Variants in FER1L5 observed in about 807,000 individuals in gnomAD.
FER1L5 encodes the protein fer-1 like family member 5.
FER1L5 carries 187 observed loss-of-function variants against 279.9 expected under a neutral mutation model. The observed-to-expected ratio is 0.67, with a 90% CI of 0.59 to 0.75. The LOEUF is 0.75. FER1L5 is among the 30% of genes least tolerant of loss of function. FER1L5 has a pLI of 0.00. For synonymous variants in FER1L5, 921 were observed against 989.7 expected (o/e 0.93, Z 1.30); for missense variants, 2,091 against 2,594.4 (o/e 0.81, Z 4.21).
chr2:96,660,485 T>C, intron 10 of FER1L5, 114 bp downstream of exon 10: 3 of 879,482 alleles, frequency 3.4e-6, no homozygotes, highest in Admixed American at 4.8e-5. Context: ...GTATTAGAGA[T>C]TGTAAATTAT....
rs569289063 is a variant in FER1L5, at chr2:96,694,063, C to G, written c.3627C>G (p.Leu1209=). ...TCTTGGCATCCTGTGAGCTGATCCT[C>G]CAGACTGAGGTATTGGGAGAGAGGG... ...GEILASCELI[L]QTEKLGEKQL... is the part of the protein sequence containing the mutation. The change falls in exon 33 of 53, where the codon CTC becomes CTG. Residue 1209 remains leucine (L), a synonymous_variant. Coordinates refer to ENST00000624922, the MANE Select transcript of FER1L5 (RefSeq NM_001293083.2). The surrounding 1 kb of genome is among the most constrained non-coding windows in gnomAD (Gnocchi z 4.6). 11 of 1,541,810 alleles carry G rather than the reference C, an allele frequency of 7.1e-6. No homozygotes were observed. The highest frequency in any genetic ancestry group is 9.6e-6 in the Non-Finnish European group (11 of 1,146,736).
rs866736276 is a variant in FER1L5, at chr2:96,689,256, G to A, written c.2405G>A (p.Gly802Glu). 6.4e-7 allele frequency: 1 copy of A among 1,550,670 alleles called. No homozygotes were observed. The highest frequency in any genetic ancestry group is 1.7e-4 in the Middle Eastern group (1 of 5,982). ...TATAAAGACCAGTGGGGGCAGCAGGGGCTGTATCACTGCCCCAACTTCTCG... is the reference window on the plus strand; with the variant it reads ...TATAAAGACCAGTGGGGGCAGCAGGAGCTGTATCACTGCCCCAACTTCTCG... ...AKYKDQWGQQGLYHCPNFSDV... is the reference protein window; with the variant it reads ...AKYKDQWGQQELYHCPNFSDV... Residue 802 changes from glycine (G) to glutamate (E), a missense_variant, in exon 25 of 53, where the codon GGG (glycine) becomes GAG (glutamate). Transcript: ENST00000624922. This position sits in a 1 kb window ranked among gnomAD's most constrained non-coding sequence, Gnocchi z 4.6.
rs1339985361 is a variant in FER1L5, at chr2:96,695,561, T to C, written c.3794T>C (p.Leu1265Pro). 2 of 1,594,272 alleles carry C rather than the reference T, an allele frequency of 1.3e-6. No individual in the cohort carries two copies. The highest frequency in any genetic ancestry group is 2.7e-5 in the African/African-American group (2 of 74,406). The change falls in exon 35 of 53, where the codon CTG (leucine) becomes CCG (proline). Residue 1265 changes from leucine (L) to proline (P), a missense_variant. By Grantham distance (98) the Leu-to-Pro change is moderately conservative. Transcript: ENST00000624922. Reference protein sequence around the residue: ...NMKKASSPQLLVEFGEESLRT... With the variant: ...NMKKASSPQLPVEFGEESLRT... Reference sequence around the variant, plus strand: ...AAGAAGGCGAGCTCCCCCCAGCTCCTGGTGGAATTCGGGGAAGAGTCCCTG... The same window carrying C: ...AAGAAGGCGAGCTCCCCCCAGCTCCCGGTGGAATTCGGGGAAGAGTCCCTG...
chr2:96,663,351 G>A, intron 13 of FER1L5, 88 bp from the exon 14 acceptor site: 3 of 1,244,968 alleles, frequency 2.4e-6, no homozygotes, highest in Non-Finnish European at 3.5e-6. Context: ...GGTGTCCACT[G>A]GGAGGCTGGA....
chr2:96,659,354 C>CTTCCTTCTTTCTTTCTTTCTTTCT (rs2075775522), intron 9 of FER1L5, among the ~76,000 whole-genome samples: 1 of 64,398 alleles, frequency 1.6e-5, no homozygotes, highest in East Asian at 6.4e-4. Flanking sequence ...TCCTTCCTTC[C>CTTCCTTCTTTCTTTCTTTCTTTCT]TTCCTTCCTT....
chr2:96,694,147 G>A lies in FER1L5; in HGVS notation c.3636+75G>A. 6.8e-7 allele frequency: 1 copy of A among 1,476,692 alleles called. No homozygotes were observed. The highest frequency in any genetic ancestry group is 2.5e-5 in the East Asian group (1 of 40,298). 91.5% of individuals were successfully genotyped at this position (1,476,692 alleles called of 1,614,324 possible). ...CCCGTCCCACCCCCAGCCAGCGGGG[G>A]CCAACTCCACCCTGTCAGGAAATGC... On this transcript the variant is annotated intron_variant, in intron 33 of 52. Coordinates refer to ENST00000624922, the MANE Select transcript of FER1L5 (RefSeq NM_001293083.2). The surrounding 1 kb of genome is among the most constrained non-coding windows in gnomAD (Gnocchi z 4.6).
chr2:96,664,756 C>G (rs971398754), intron 14 of FER1L5, among the ~76,000 whole-genome samples: 7 of 152,308 alleles, frequency 4.6e-5, no homozygotes, highest in Middle Eastern at 3.4e-3. Context: ...GGTCATACAA[C>G]TGAACTTTCC....
intron 39 of FER1L5, 131 bp from the exon 40 acceptor site, chr2:96,697,906 A>C (rs1208158423): frequency 6.9e-7 from 1 of 1,456,832 alleles, no homozygotes; most frequent in East Asian, 2.5e-5. Context: ...ACCCTGTCTG[A>C]AGCACACAGT....
chr2:96,655,904 G>T (rs531372285), intron 9 of FER1L5, among the ~76,000 whole-genome samples: 2 of 151,804 alleles, frequency 1.3e-5, no homozygotes, highest in East Asian at 3.9e-4. Flanking sequence ...TAGCGAATGG[G>T]TCTCACTATG....
In FER1L5 at chr2:96,702,949, G is replaced by A. The variant is rs190373976; in HGVS notation, c.5398-29G>A. 5.0e-4 allele frequency: 790 copies of A among 1,594,736 alleles called. 5 individuals carry two copies. In the African/African-American group the frequency reaches 8.8e-3, roughly 18 times the overall value. On this transcript the variant is annotated intron_variant, in intron 48 of 52. Transcript: ENST00000624922. This position sits in a 1 kb window ranked among gnomAD's most constrained non-coding sequence, Gnocchi z 4.0. ...AAGGGAAACGTCCAGGAGACAGGCC[G>A]GTAACACGCCCTTCCGCCATTTCCC...
At chr2:96,681,879 G>A (rs201801929) in intron 19 of FER1L5, among the ~76,000 whole-genome samples, 16 of 144,836 alleles carry the variant, frequency 1.1e-4, no homozygotes, top group East Asian at 6.4e-4. Context: ...ACCACCTCTC[G>A]GGTTCAAGCA....
rs115299382 is a variant in FER1L5, at chr2:96,643,808, G to T, written c.85+887G>T. 5.5e-3 allele frequency among the ~76,000 whole-genome samples: 840 copies of T among 151,386 alleles called. 8 individuals carry two copies. Among genetic ancestry groups the T allele is most frequent in the African/African-American group, 0.02 (808 of 41,202 alleles). ...GAAAGGGGAGAAAGAATTTGTGAGA[G>T]AAAATGAGAGATGTTAGGTATATTT... is the stretch of plus-strand genomic sequence containing the variant. On this transcript the variant is annotated intron_variant, in intron 1 of 52. Coordinates refer to ENST00000624922, the MANE Select transcript of FER1L5 (RefSeq NM_001293083.2).
In FER1L5 at chr2:96,694,688, T is replaced by C. The variant is rs1048317861; in HGVS notation, c.3741+224T>C. On this transcript the variant is annotated intron_variant, in intron 34 of 52. Coordinates refer to ENST00000624922, the MANE Select transcript of FER1L5 (RefSeq NM_001293083.2). The surrounding 1 kb of genome is among the most constrained non-coding windows in gnomAD (Gnocchi z 4.6). ...CTGCAGTGAGGAGTAGGCAAAGGGC[T>C]GTAGCATGCATGATCACTTGTGGGA... is the stretch of plus-strand genomic sequence containing the variant. 1 of 425,708 alleles carries C rather than the reference T, an allele frequency of 2.3e-6. No individual in the cohort carries two copies. Among genetic ancestry groups the C allele is most frequent in the Non-Finnish European group, 4.1e-6 (1 of 241,958 alleles). The allele number at this position is 425,708 out of a possible 1,614,324, so 26.4% of individuals were successfully genotyped here.
At position 96,693,892 on chromosome 2, in the gene FER1L5, G is replaced by A. The variant is rs1244528202; in HGVS notation, c.3475-19G>A. On this transcript the variant is annotated intron_variant, in intron 32 of 52. Coordinates refer to ENST00000624922, the MANE Select transcript of FER1L5 (RefSeq NM_001293083.2). ...CCTGCCAGCATGGCCTCCATGCTTT[G>A]TGAACTTCCCCCCTCCAGGGCAAGG... is the stretch of plus-strand genomic sequence containing the variant. 2 of 1,533,272 alleles carry A rather than the reference G, an allele frequency of 1.3e-6. No individual in the cohort carries two copies. Among genetic ancestry groups the A allele is most frequent in the South Asian group, 1.2e-5 (1 of 80,620 alleles). 95.0% of individuals were successfully genotyped at this position (1,533,272 alleles called of 1,614,324 possible). A position where few individuals can be genotyped will look rare whatever the true frequency, so the allele number is the denominator to read the frequency against.
chr2:96,689,502 C>G lies in FER1L5; in HGVS notation c.2525+126C>G, dbSNP rs995937116. 6.8e-7 allele frequency: 1 copy of G among 1,466,460 alleles called. No homozygotes were observed. The highest frequency in any genetic ancestry group is 1.4e-5 in the African/African-American group (1 of 70,738). 90.8% of individuals were successfully genotyped at this position (1,466,460 alleles called of 1,614,324 possible). ...TGCCAGAGGGCCGAGGTGCACCAGG[C>G]CAAGGGCCCTGCCCACCACCCTGTC... On this transcript the variant is annotated intron_variant, in intron 25 of 52. Coordinates refer to ENST00000624922, the MANE Select transcript of FER1L5 (RefSeq NM_001293083.2). The surrounding 1 kb of genome is among the most constrained non-coding windows in gnomAD (Gnocchi z 4.6).
rs2076883458 is a variant in FER1L5 at position 96,685,417 on chromosome 2, C to T, written c.1883C>T (p.Ala628Val). ...YQWEKLLREL[A>V]EDCKRPLPCM... ...TGGGAGAAACTGCTGAGGGAGCTGG[C>T]AGAGGACTGCAAGTAGGAGTAGGGG... The change falls in exon 21 of 53, where the codon GCA becomes GTA. Residue 628 changes from alanine to valine, a missense_variant. Transcript: ENST00000624922. 6.4e-7 allele frequency: 1 copy of T among 1,550,520 alleles called. No individual in the cohort carries two copies. The highest frequency in any genetic ancestry group is 8.7e-7 in the Non-Finnish European group (1 of 1,146,688).
intron 19 of FER1L5, among the ~76,000 whole-genome samples, chr2:96,676,079 C>A (rs2076500032): frequency 6.6e-6 from 1 of 152,142 alleles, no homozygotes; most frequent in South Asian, 2.1e-4. Context: ...TTAATTTTTG[C>A]ATATGGTATG....
chr2:96,687,072 T>C (rs760008442), intron 23 of FER1L5, among the ~76,000 whole-genome samples: 2 of 152,074 alleles, frequency 1.3e-5, no homozygotes, highest in Non-Finnish European at 2.9e-5. Context: ...CACCCCTGGC[T>C]GTGACAGTGG....
chr2:96,686,487 C>G lies in FER1L5; in HGVS notation c.2229+137C>G. Reference sequence around the variant, plus strand: ...ACATGGAATGGGGTTGAAACAGTCCCCAGAGGAAGAGAGGGGTCTGTGGCT... The same window carrying G: ...ACATGGAATGGGGTTGAAACAGTCCGCAGAGGAAGAGAGGGGTCTGTGGCT... On this transcript the variant is annotated intron_variant, in intron 23 of 52. Coordinates refer to ENST00000624922, the MANE Select transcript of FER1L5 (RefSeq NM_001293083.2). 4 of 1,017,988 alleles carry G rather than the reference C, an allele frequency of 3.9e-6. 1 individual carries two copies. The highest frequency in any genetic ancestry group is 3.6e-5 in the South Asian group (2 of 55,506). The allele number at this position is 1,017,988 out of a possible 1,614,324, so 63.1% of individuals were successfully genotyped here.
Sources: allele counts gnomAD v4.1 joint callset (sites outside exome capture counted in the v4.1 genomes callset), GRCh38; gene constraint gnomAD v4.1.1; non-coding constraint Gnocchi (gnomAD v3.1); transcripts MANE v1.5; gene names NCBI Gene and HGNC (gene_info 2026-07-23, HGNC 2026-07-21).